The following CLCA2 variants were observed in gnomAD, a reference collection of about 807,000 sequenced individuals.
The protein encoded by CLCA2 is calcium-activated chloride channel regulator 2.
In CLCA2, 85 loss-of-function variants were observed where a neutral mutation model predicts 82.9. That is an observed-to-expected ratio of 1.03 (90% confidence interval 0.86 to 1.23). The LOEUF is 1.23. CLCA2 is among the 50% of genes most tolerant of loss of function. The pLI is 0.00. For synonymous variants in CLCA2, 421 were observed against 391.7 expected (o/e 1.07, Z -0.88); for missense variants, 1,089 against 1,124.8 (o/e 0.97, Z 0.45).
At position 86,439,046 on chromosome 1, in the gene CLCA2, C is replaced by A. The variant is rs1662672076; in HGVS notation, c.1143C>A (p.Pro381=). ...DDRKLLVSYL[P]TTVSAKTDIS... Reference sequence around the variant, plus strand: ...GAAAGTTGCTGGTTTCATATCTGCCCACCACTGTATCAGCTAAAACAGACA... The same window carrying A: ...GAAAGTTGCTGGTTTCATATCTGCCAACCACTGTATCAGCTAAAACAGACA... The change falls in exon 7 of 14, where the codon CCC becomes CCA. Residue 381 remains proline, a synonymous_variant. Transcript: ENST00000370565. 6.2e-7 allele frequency: 1 copy of A among 1,613,988 alleles called. No individual in the cohort carries two copies. Among genetic ancestry groups the A allele is most frequent in the Non-Finnish European group, 8.5e-7 (1 of 1,180,004 alleles).
In CLCA2 at chr1:86,453,367, A is replaced by C. The variant is rs772395441; in HGVS notation, c.2156-2A>C. On this transcript the variant is annotated splice_acceptor_variant, in intron 12 of 13. Transcript: ENST00000370565. LOFTEE classifies it high-confidence loss of function. ...TGCCTTTTTTTTTCTTTTTTGTCTCAGGTAATATTCAGATGAATGCTCCAA... is the reference window on the plus strand; with the variant it reads ...TGCCTTTTTTTTTCTTTTTTGTCTCCGGTAATATTCAGATGAATGCTCCAA... 9.3e-6 allele frequency: 15 copies of C among 1,605,586 alleles called. No individual in the cohort carries two copies. Among genetic ancestry groups the C allele is most frequent in the Non-Finnish European group, 1.3e-5 (15 of 1,176,378 alleles).
intron 8 of CLCA2, among the ~76,000 whole-genome samples, chr1:86,441,212 C>T (rs1662730074): frequency 6.6e-6 from 1 of 152,058 alleles, no homozygotes. Flanking sequence ...TACATAAGTT[C>T]TAGGCCCTGG....
chr1:86,449,950 C>T (rs941119681), intron 11 of CLCA2, among the ~76,000 whole-genome samples: 1 of 152,138 alleles, frequency 6.6e-6, no homozygotes, highest in Non-Finnish European at 1.5e-5. Context: ...CCCCCTGAAG[C>T]AAGGCACAGT....
At chr1:86,434,366 C>T in intron 5 of CLCA2, 152 bp from the exon 6 acceptor site, 1 of 634,652 alleles carries the variant, frequency 1.6e-6, no homozygotes, top group South Asian at 2.0e-5. Context: ...AATTTGATGT[C>T]ATTCTTGAAG....
intron 11 of CLCA2, among the ~76,000 whole-genome samples, chr1:86,450,352 T>C (rs1486582653): frequency 6.6e-6 from 1 of 152,204 alleles, no homozygotes; most frequent in Non-Finnish European, 1.5e-5. Context: ...TATTCACCTT[T>C]AGAAAATCAT....
chr1:86,430,384 A>C (rs1022832042), intron 3 of CLCA2, among the ~76,000 whole-genome samples: 1 of 152,160 alleles, frequency 6.6e-6, no homozygotes, highest in Non-Finnish European at 1.5e-5. Flanking sequence ...CCTAGGTTTC[A>C]ACTATTGCTC....
At chr1:86,451,078 G>C in intron 12 of CLCA2, among the ~76,000 whole-genome samples, 1 of 152,134 alleles carries the variant, frequency 6.6e-6, no homozygotes, top group East Asian at 1.9e-4. Context: ...TTAGGCAAGA[G>C]AAAGAGGCAA....
chr1:86,430,737 G>C (rs778090820), intron 3 of CLCA2, 125 bp from the exon 4 acceptor site: 5 of 720,828 alleles, frequency 6.9e-6, no homozygotes, highest in Non-Finnish European at 7.4e-6. Context: ...AGAGAGGGAA[G>C]TAACTTAAAC....
intron 12 of CLCA2, among the ~76,000 whole-genome samples, chr1:86,451,454 C>T (rs10873784): frequency 0.052 from 7,917 of 152,234 alleles, 226 homozygotes; most frequent in Middle Eastern, 0.11. Flanking sequence ...GACTATTCCA[C>T]ACCATGATTC....
chr1:86,455,667 A>G lies in CLCA2; in HGVS notation c.*140A>G, dbSNP rs1433269687. On this transcript the variant is annotated 3_prime_UTR_variant, in exon 14 of 14. Coordinates refer to ENST00000370565, the MANE Select transcript of CLCA2 (RefSeq NM_006536.7). ...TGTACAATACAGATAAGATTTTTACATGGTAGATCAACAAATTCTTTTTGG... is the reference window on the plus strand; with the variant it reads ...TGTACAATACAGATAAGATTTTTACGTGGTAGATCAACAAATTCTTTTTGG... 2 of 464,946 alleles carry G rather than the reference A, an allele frequency of 4.3e-6. No homozygotes were observed. The highest frequency in any genetic ancestry group is 1.0e-4 in the South Asian group (1 of 9,720). 28.8% of individuals were successfully genotyped at this position (464,946 alleles called of 1,614,324 possible). A position where few individuals can be genotyped will look rare whatever the true frequency, so the allele number is the denominator to read the frequency against.
chr1:86,451,500 C>T (rs1169103661), intron 12 of CLCA2, among the ~76,000 whole-genome samples: 1 of 152,004 alleles, frequency 6.6e-6, no homozygotes, highest in Non-Finnish European at 1.5e-5. Flanking sequence ...CTCATTCTTC[C>T]TGACCTCACC....
rs776823599 is a variant in CLCA2 at position 86,450,612 on chromosome 1, C to T, written c.2034C>T (p.Ser678=). 8.1e-6 allele frequency: 13 copies of T among 1,612,512 alleles called. No individual in the cohort carries two copies. Among genetic ancestry groups the T allele is most frequent in the South Asian group, 4.4e-5 (4 of 90,770 alleles). ...GAATTTACTCGAGGTATTTTTTCTC[C>T]TTTGCTGCAAATGGTAGATATAGCT... ...NDGIYSRYFF[S]FAANGRYSLK... The change falls in exon 12 of 14, where the codon TCC becomes TCT. Residue 678 remains serine, a synonymous_variant. Transcript: ENST00000370565.
chr1:86,440,974 T>C (rs6657379), intron 8 of CLCA2, among the ~76,000 whole-genome samples: 1,845 of 152,320 alleles, frequency 0.012, 34 homozygotes, highest in African/African-American at 0.042. Context: ...CATATCTTTT[T>C]ATACTAAATA....
At chr1:86,436,243 C>T (rs1413685212) in intron 6 of CLCA2, among the ~76,000 whole-genome samples, 3 of 152,180 alleles carry the variant, frequency 2.0e-5, no homozygotes, top group Non-Finnish European at 4.4e-5. Flanking sequence ...CCCAACTGTG[C>T]ACTCAGTGAC....
chr1:86,437,138 G>A (rs760597092), intron 6 of CLCA2, among the ~76,000 whole-genome samples: 1 of 152,196 alleles, frequency 6.6e-6, no homozygotes, highest in Non-Finnish European at 1.5e-5. Flanking sequence ...ATATGTAGAA[G>A]AGAAATAAGC....
Position 86,425,457 on chromosome 1 carries a change from A to C in CLCA2, c.305A>C (p.Lys102Thr). The C allele has an allele frequency of 6.4e-7, 1 of 1,550,570 alleles. No individual in the cohort carries two copies. Among genetic ancestry groups the C allele is most frequent in the East Asian group, 2.3e-5 (1 of 43,522 alleles). ...TWKANNNSKI[K>T]QESYEKANVI... ...AAAGCTAATAATAACAGCAAAATAA[A>C]ACAAGAATCATATGAAAAGGTAAGA... Residue 102 changes from lysine (K) to threonine (T), a missense_variant, in exon 2 of 14, where the codon AAA becomes ACA. By Grantham distance (78) the Lys-to-Thr change is moderately conservative. Coordinates refer to ENST00000370565, the MANE Select transcript of CLCA2 (RefSeq NM_006536.7).
chr1:86,455,150 AT>A lies in CLCA2; in HGVS notation c.2459del (p.Leu820Ter). 6.2e-7 allele frequency: 1 copy of A among 1,611,464 alleles called. No individual in the cohort carries two copies. Among genetic ancestry groups the A allele is most frequent in the Non-Finnish European group, 8.5e-7 (1 of 1,178,096 alleles). ...TATCCAAGATGACTTTAACAATGCT[AT>A]TTTAGTAAATACATCAAAGCGAAAT... is the stretch of plus-strand genomic sequence containing the variant. ...QNIQDDFNNAILVNTSKRNPQ... is the reference protein window; with the variant it reads ...QNIQDDFNNAXLVNTSKRNPQ... On this transcript the variant is annotated frameshift_variant, in exon 14 of 14. Coordinates refer to ENST00000370565, the MANE Select transcript of CLCA2 (RefSeq NM_006536.7). LOFTEE classifies it low-confidence loss of function (END_TRUNC).
intron 1 of CLCA2, among the ~76,000 whole-genome samples, chr1:86,424,936 T>C (rs147470399): frequency 3.7e-4 from 57 of 152,296 alleles, no homozygotes; most frequent in African/African-American, 1.2e-3. Flanking sequence ...CTATTTTTAC[T>C]TTAATATGGC....
Position 86,455,451 on chromosome 1 carries a change from T to C in CLCA2, c.2756T>C (p.Ile919Thr). The C allele has an allele frequency of 6.3e-7, 1 of 1,578,120 alleles. No individual in the cohort carries two copies. Residue 919 changes from isoleucine to threonine, a missense_variant, in exon 14 of 14, where the codon ATT becomes ACT. Physicochemically the swap from Ile to Thr is moderately conservative, Grantham distance 89 (BLOSUM62 -1). Transcript: ENST00000370565. ...GGTTTGATAGGAATCATTTGCCTTA[T>C]TATAGTTGTGACACATCATACTTTA... ...AMGLIGIICL[I>T]IVVTHHTLSR... is the part of the protein sequence containing the mutation.
Sources: gnomAD v4.1 joint callset for allele counts (sites outside exome capture counted in the v4.1 genomes callset) on GRCh38, gnomAD v4.1.1 for gene constraint, MANE v1.5 for transcripts, NCBI Gene and HGNC (gene_info 2026-07-23, HGNC 2026-07-21) for gene names.